HSDL2: variants seen among roughly 807,000 people sequenced by gnomAD.
The protein encoded by HSDL2 is hydroxysteroid dehydrogenase like 2.
A neutral mutation model predicts 46.3 loss-of-function variants in HSDL2; 27 were observed. That is an observed-to-expected ratio of 0.58 (90% CI 0.43 to 0.80). The LOEUF is 0.80. Among genes scored for constraint, HSDL2 ranks in the 30% least tolerant of loss-of-function variants. HSDL2 has a pLI of 0.00. For missense variants in HSDL2, 451 were observed against 502.7 expected (o/e 0.90, Z 0.98); for synonymous variants, 153 against 163.6 (o/e 0.94, Z 0.50).
intron 7 of HSDL2, among the ~76,000 whole-genome samples, chr9:112,439,910 G>C (rs1564124979): frequency 6.6e-6 from 1 of 152,242 alleles, no homozygotes; most frequent in East Asian, 1.9e-4. Context: ...AAACTTAAGA[G>C]AATGATACAT....
chr9:112,382,010 G>A (rs1295420403), intron 1 of HSDL2, among the ~76,000 whole-genome samples: 3 of 152,170 alleles, frequency 2.0e-5, no homozygotes, highest in Admixed American at 6.5e-5. Context: ...GGCCGAGGCG[G>A]GCGGATCACT....
chr9:112,453,278 A>G (rs1248256355), intron 8 of HSDL2, among the ~76,000 whole-genome samples: 1 of 152,234 alleles, frequency 6.6e-6, no homozygotes, highest in Non-Finnish European at 1.5e-5. Context: ...TTTGATTTCC[A>G]TCTTTCTGAT....
chr9:112,435,721 C>T (rs1490297212), intron 6 of HSDL2, among the ~76,000 whole-genome samples: 1 of 151,078 alleles, frequency 6.6e-6, no homozygotes, highest in Admixed American at 6.6e-5. Context: ...TTATTTTATT[C>T]ATTTTTAATT....
At chr9:112,410,530 G>T (rs1831837160) in intron 4 of HSDL2, among the ~76,000 whole-genome samples, 1 of 152,228 alleles carries the variant, frequency 6.6e-6, no homozygotes. Context: ...TATTAAGTTA[G>T]AGTCCTGAAT....
rs1224354470 is a variant in HSDL2, at chr9:112,439,551, T to C, written c.793+926T>C. On this transcript the variant is annotated intron_variant, in intron 7 of 10. Transcript: ENST00000398805. ...ATATAGAATATGATGTATTCTAATA[T>C]AGCCATACATAGGAGTTATATTTAT... 2.0e-5 allele frequency among the ~76,000 whole-genome samples: 3 copies of C among 152,352 alleles called. No individual in the cohort carries two copies. The East Asian group carries it at 5.8e-4, about 29-fold the overall frequency.
At chr9:112,440,557 C>G (rs1681477564) in intron 7 of HSDL2, among the ~76,000 whole-genome samples, 1 of 152,158 alleles carries the variant, frequency 6.6e-6, no homozygotes, top group African/African-American at 2.4e-5. Flanking sequence ...TATTTGCTAA[C>G]CACAACCATT....
chr9:112,403,849 T>C (rs2132620595), intron 1 of HSDL2, 146 bp from the exon 2 acceptor site: 9 of 697,902 alleles, frequency 1.3e-5, no homozygotes, highest in South Asian at 9.6e-5. Context: ...AGTGGAGTTA[T>C]CTGCCATCAG....
chr9:112,449,203 C>T (rs1306993571), intron 8 of HSDL2, among the ~76,000 whole-genome samples: 5 of 151,554 alleles, frequency 3.3e-5, no homozygotes, highest in African/African-American at 1.2e-4. Context: ...TCTCATGCCT[C>T]AGCCTCCTGA....
At chr9:112,408,718 GATAAA>G (rs1229721919) in intron 3 of HSDL2, among the ~76,000 whole-genome samples, 184 bp from the exon 4 acceptor site, 1 of 152,062 alleles carries the variant, frequency 6.6e-6, no homozygotes, top group South Asian at 2.1e-4. Context: ...ACAGAAAAGA[GATAAA>G]ATAAAAAAAC....
At chr9:112,405,848 A>G in intron 3 of HSDL2, 126 bp downstream of exon 3, 2 of 628,400 alleles carry the variant, frequency 3.2e-6, no homozygotes, top group Non-Finnish European at 5.5e-6. Flanking sequence ...GTATTTGCTC[A>G]CACAGAACAT....
intron 1 of HSDL2, among the ~76,000 whole-genome samples, chr9:112,385,183 G>A (rs7039649): frequency 0.95 from 144,212 of 152,180 alleles, 68,435 homozygotes; most frequent in African/African-American, 0.99. Context: ...GGAAGGGATA[G>A]TTTTTCACAT....
Position 112,459,349 on chromosome 9 carries a change from G to A in HSDL2, c.1016-100G>A, listed in dbSNP as rs559234034. On this transcript the variant is annotated intron_variant, in intron 9 of 10. Coordinates refer to ENST00000398805, the MANE Select transcript of HSDL2 (RefSeq NM_032303.5). ...ATGGAGGTCTGGGGATTTTAACTTGGAAAACAGCATTTTGTAAGATTATTC... is the reference window on the plus strand; with the variant it reads ...ATGGAGGTCTGGGGATTTTAACTTGAAAAACAGCATTTTGTAAGATTATTC... 825 of 1,355,026 alleles carry A rather than the reference G, an allele frequency of 6.1e-4. 3 individuals carry two copies. Among genetic ancestry groups the A allele is most frequent in the Middle Eastern group, 4.8e-3 (24 of 5,010 alleles). The allele number at this position is 1,355,026 out of a possible 1,614,324, so 83.9% of individuals were successfully genotyped here.
intron 8 of HSDL2, among the ~76,000 whole-genome samples, chr9:112,448,304 ACTATT>A (rs1832793990): frequency 4.1e-5 from 2 of 49,154 alleles, no homozygotes; most frequent in African/African-American, 2.8e-4. Context: ...GTTCATTAAA[ACTATT>A]TTATTTTAAT....
At chr9:112,381,615 A>G (rs1193293167) in intron 1 of HSDL2, among the ~76,000 whole-genome samples, 1 of 152,040 alleles carries the variant, frequency 6.6e-6, no homozygotes, top group African/African-American at 2.4e-5. Flanking sequence ...CGGCCTCCCA[A>G]AGTGCTGGGA....
At chr9:112,462,105 A>G (rs937347558) in intron 10 of HSDL2, among the ~76,000 whole-genome samples, 65 of 152,320 alleles carry the variant, frequency 4.3e-4, no homozygotes, top group African/African-American at 1.5e-3. Context: ...TTATATCCTA[A>G]GAATTCTCTT....
rs560708873 is a variant in HSDL2 at position 112,381,864 on chromosome 9, A to G, written c.17+1684A>G. On this transcript the variant is annotated intron_variant, in intron 1 of 10. Transcript: ENST00000398805. ...TTGGATACTCTTTTTTTGCTTCCAT[A>G]ATTATACTTGTATTTATCTATTTGC... Among the ~76,000 whole-genome samples the G allele has an allele frequency of 3.3e-5, 5 of 152,310 alleles. No homozygotes were observed. In the East Asian group the frequency reaches 9.6e-4, roughly 29 times the overall value.
At chr9:112,435,474 A>C (rs1051788617) in intron 6 of HSDL2, among the ~76,000 whole-genome samples, 6 of 152,082 alleles carry the variant, frequency 3.9e-5, no homozygotes, top group Non-Finnish European at 7.3e-5. Flanking sequence ...ATTTAGTTGC[A>C]TTAAGGATGA....
rs202222800 is a variant in HSDL2, at chr9:112,438,669, T to C, written c.793+44T>C. 8.0e-5 allele frequency: 94 copies of C among 1,174,714 alleles called. No individual in the cohort carries two copies. In the African/African-American group the frequency reaches 1.3e-3, roughly 16 times the overall value. The allele number at this position is 1,174,714 out of a possible 1,614,324, so 72.8% of individuals were successfully genotyped here. On this transcript the variant is annotated intron_variant, in intron 7 of 10. Coordinates refer to ENST00000398805, the MANE Select transcript of HSDL2 (RefSeq NM_032303.5). ...TTAAAAGTAGTGATACGTTTTTCCA[T>C]ATTTTCTGCAATGAACATATCTGTT...
chr9:112,443,965 C>T (rs769833613), intron 8 of HSDL2, among the ~76,000 whole-genome samples: 1 of 152,140 alleles, frequency 6.6e-6, no homozygotes, highest in African/African-American at 2.4e-5. Flanking sequence ...TGGCATCAGG[C>T]TTTGATAGGG....
Sources: gnomAD v4.1 joint callset for allele counts (sites outside exome capture counted in the v4.1 genomes callset) on GRCh38, gnomAD v4.1.1 for gene constraint, MANE v1.5 for transcripts, NCBI Gene and HGNC (gene_info 2026-07-23, HGNC 2026-07-21) for gene names.